The following ZNF618 variants were observed in gnomAD, a reference collection of about 807,000 sequenced individuals.
The protein encoded by ZNF618 is zinc finger protein 618, also known as neural precursor cell expressed, developmentally down-regulated 10.
A neutral mutation model predicts 103.0 loss-of-function variants in ZNF618; 34 were observed. That is an observed-to-expected ratio of 0.33 (90% CI 0.25 to 0.44). The LOEUF (loss-of-function observed/expected upper bound fraction) is 0.44, where lower values mean the gene tolerates loss of function less well. Ranked by LOEUF, ZNF618 falls within the 20% of genes least tolerant of loss-of-function variation. The pLI, the probability that ZNF618 is intolerant of heterozygous loss-of-function variation, is 1.00. For synonymous variants in ZNF618, 551 were observed against 542.2 expected (o/e 1.02, Z -0.23); for missense variants, 1,059 against 1,295.4 (o/e 0.82, Z 2.80).
chr9:113,920,471 G>A (rs1832536820), intron 1 of ZNF618, among the ~76,000 whole-genome samples: 1 of 150,508 alleles, frequency 6.6e-6, no homozygotes, highest in Admixed American at 6.6e-5. Context: ...GTGTGATCTC[G>A]GTTCATTGGA....
At chr9:113,963,741 C>T (rs750875850) in intron 1 of ZNF618, among the ~76,000 whole-genome samples, 1 of 152,194 alleles carries the variant, frequency 6.6e-6, no homozygotes, top group African/African-American at 2.4e-5. Context: ...TTTTGAGAAA[C>T]AATCATAATT....
chr9:113,903,782 A>T (rs976297372), intron 1 of ZNF618, among the ~76,000 whole-genome samples: 1 of 151,906 alleles, frequency 6.6e-6, no homozygotes, highest in African/African-American at 2.4e-5. Flanking sequence ...CTTGTTTCTG[A>T]TGGAAAGTTG....
intron 10 of ZNF618, among the ~76,000 whole-genome samples, chr9:114,020,343 A>G (rs949520514): frequency 4.4e-5 from 6 of 135,272 alleles, no homozygotes; most frequent in African/African-American, 1.5e-4. Flanking sequence ...TCTAATTTCT[A>G]CCAAAAAAAT....
At chr9:113,920,272 G>A (rs1349730682) in intron 1 of ZNF618, among the ~76,000 whole-genome samples, 3 of 152,164 alleles carry the variant, frequency 2.0e-5, no homozygotes, top group African/African-American at 7.2e-5. Context: ...TAGGGGCTAG[G>A]AGACCCCTTA....
chr9:114,035,313 G>A, intron 12 of ZNF618: 4 of 940,778 alleles, frequency 4.3e-6, no homozygotes, highest in Non-Finnish European at 5.1e-6. Context: ...CGTGCTCCTG[G>A]AGCCTCCAGG....
intron 1 of ZNF618, among the ~76,000 whole-genome samples, chr9:113,876,751 C>G (rs1356379370): frequency 6.6e-6 from 1 of 151,970 alleles, no homozygotes. Context: ...AAATGCAACC[C>G]CTTCCAGCTC....
At chr9:113,934,355 A>C (rs1482150331) in intron 1 of ZNF618, among the ~76,000 whole-genome samples, 1 of 152,116 alleles carries the variant, frequency 6.6e-6, no homozygotes, top group Non-Finnish European at 1.5e-5. Flanking sequence ...CCCCAGGCCC[A>C]GCCTCAGGTC....
chr9:114,030,146 C>T (rs1042781472), intron 11 of ZNF618, among the ~76,000 whole-genome samples: 6 of 152,192 alleles, frequency 3.9e-5, no homozygotes, highest in Admixed American at 6.5e-5. Context: ...GTGATTAAGC[C>T]GTGCTTTCCT....
At chr9:114,020,990 C>T (rs920519852) in intron 10 of ZNF618, among the ~76,000 whole-genome samples, 1 of 151,874 alleles carries the variant, frequency 6.6e-6, no homozygotes, top group Admixed American at 6.6e-5. Flanking sequence ...AAAAGTTTTT[C>T]TTATAAATTG....
chr9:113,894,659 A>G (rs1829888382), intron 1 of ZNF618, among the ~76,000 whole-genome samples: 1 of 152,214 alleles, frequency 6.6e-6, no homozygotes, highest in African/African-American at 2.4e-5. Flanking sequence ...AGTTTTCCAA[A>G]TAAGTTTTGA....
chr9:114,001,285 G>GA (rs1243985966), intron 4 of ZNF618, among the ~76,000 whole-genome samples: 2 of 151,862 alleles, frequency 1.3e-5, no homozygotes, highest in East Asian at 3.9e-4. Context: ...GGCTGGGGGG[G>GA]CCAGGCATTT....
chr9:114,015,632 C>T (rs1028673045), intron 9 of ZNF618, among the ~76,000 whole-genome samples: 2 of 152,150 alleles, frequency 1.3e-5, no homozygotes, highest in Non-Finnish European at 2.9e-5. Context: ...TATGGAATAG[C>T]CTTTATTTTG....
At chr9:113,922,353 AAG>A (rs1328167138) in intron 1 of ZNF618, among the ~76,000 whole-genome samples, 1 of 152,132 alleles carries the variant, frequency 6.6e-6, no homozygotes, top group Non-Finnish European at 1.5e-5. Flanking sequence ...GGGCAGAGGG[AAG>A]ATAAGTTGGC....
At chr9:113,879,401 T>G (rs1828287721) in intron 1 of ZNF618, among the ~76,000 whole-genome samples, 1 of 148,262 alleles carries the variant, frequency 6.7e-6, no homozygotes, top group Admixed American at 7.0e-5. Context: ...TTTTCTGTTT[T>G]TTTTTTTTTT....
At chr9:113,887,683 C>T (rs117932004) in intron 1 of ZNF618, among the ~76,000 whole-genome samples, 5 of 152,142 alleles carry the variant, frequency 3.3e-5, no homozygotes, top group Admixed American at 2.6e-4. Flanking sequence ...GGTGGGGAGT[C>T]ATCTCCCTTG....
At chr9:113,911,419 C>G (rs988956657) in intron 1 of ZNF618, among the ~76,000 whole-genome samples, 2 of 152,134 alleles carry the variant, frequency 1.3e-5, no homozygotes, top group African/African-American at 2.4e-5. Context: ...ACCTCTGCCT[C>G]CCAGGTTCAA....
At chr9:113,964,750 CTTTTTTT>C (rs765191153) in intron 1 of ZNF618, among the ~76,000 whole-genome samples, 13 of 98,468 alleles carry the variant, frequency 1.3e-4, no homozygotes, top group African/African-American at 3.9e-4. Flanking sequence ...CTCCTTTCTG[CTTTTTTT>C]TTTTTTTTTT....
intron 1 of ZNF618, among the ~76,000 whole-genome samples, chr9:113,951,563 A>ATATATG: frequency 5.5e-5 from 2 of 36,232 alleles, no homozygotes; most frequent in East Asian, 3.4e-3. Context: ...GTGTGTGTAT[A>ATATATG]TGTGTGTGTG....
At chr9:113,927,537 C>G (rs1041329135) in intron 1 of ZNF618, among the ~76,000 whole-genome samples, 6 of 152,184 alleles carry the variant, frequency 3.9e-5, no homozygotes, top group Non-Finnish European at 7.3e-5. Flanking sequence ...GGCCTGTGCC[C>G]CTGTGTCGTG....
Sources: allele counts gnomAD v4.1 joint callset (sites outside exome capture counted in the v4.1 genomes callset), GRCh38; gene constraint gnomAD v4.1.1; transcripts MANE v1.5; gene names NCBI Gene and HGNC (gene_info 2026-07-23, HGNC 2026-07-21).